BCAS3: variants seen among roughly 807,000 people sequenced by gnomAD.
The protein encoded by BCAS3 is BCAS4/BCAS3 fusion.
BCAS3 carries 53 observed loss-of-function variants against 116.1 expected under a neutral mutation model. The ratio of observed to expected loss-of-function variants is 0.46; its 90% CI spans 0.37 to 0.57. The LOEUF (loss-of-function observed/expected upper bound fraction) is 0.57, where lower values mean the gene tolerates loss of function less well. BCAS3 is among the 20% of genes least tolerant of loss of function. The probability of loss-of-function intolerance (pLI) is 0.00; values close to 1 mark genes in which losing one functional copy is unlikely to be tolerated. For synonymous variants in BCAS3, 391 were observed against 408.2 expected (o/e 0.96, Z 0.51); for missense variants, 917 against 1,165.4 (o/e 0.79, Z 3.10).
At chr17:60,988,360 T>TTG (rs1555651709) in intron 14 of BCAS3, among the ~76,000 whole-genome samples, 1,582 of 134,536 alleles carry the variant, frequency 0.012, 22 homozygotes, top group African/African-American at 0.042. Flanking sequence ...TTTTTTTTTT[T>TTG]ATGTATGTGT....
intron 4 of BCAS3, among the ~76,000 whole-genome samples, chr17:60,696,860 C>G (rs1443919786): frequency 1.3e-5 from 2 of 152,204 alleles, no homozygotes; most frequent in South Asian, 4.1e-4. Flanking sequence ...TATTTTCTGC[C>G]CCTATCATTA....
At chr17:60,687,923 C>T (rs962794474) in intron 3 of BCAS3, 3 of 152,198 alleles carry the variant, frequency 2.0e-5, no homozygotes, top group African/African-American at 7.2e-5. Flanking sequence ...TTTTGTAAGA[C>T]TTATTTCCCC....
chr17:61,077,612 C>G lies in BCAS3; in HGVS notation c.2131-721C>G, dbSNP rs1015692202. The stretch of plus-strand genomic sequence containing the variant: ...AAATTCATAAAGCATTTTGGTATTA[C>G]TGTTTTGTAGCACATCAAATGCCTG... On this transcript the variant is annotated intron_variant, in intron 20 of 23. Coordinates refer to ENST00000407086, the MANE Select transcript of BCAS3 (RefSeq NM_017679.5). The surrounding 1 kb of genome is among the most constrained non-coding windows in gnomAD (Gnocchi z 4.3). 6.6e-6 allele frequency among the ~76,000 whole-genome samples: 1 copy of G among 152,166 alleles called. No homozygotes were observed. The highest frequency in any genetic ancestry group is 2.4e-5 in the African/African-American group (1 of 41,450).
At chr17:61,360,900 G>A (rs2143443138) in intron 22 of BCAS3, among the ~76,000 whole-genome samples, 1 of 152,304 alleles carries the variant, frequency 6.6e-6, no homozygotes, top group Non-Finnish European at 1.5e-5. Flanking sequence ...ACAAGAGCTG[G>A]CATTTGAACC....
chr17:61,250,867 G>A (rs1198961520), intron 22 of BCAS3, among the ~76,000 whole-genome samples: 2 of 152,204 alleles, frequency 1.3e-5, no homozygotes, highest in African/African-American at 2.4e-5. Context: ...GACTCTATCA[G>A]TCTGGTTTTT....
At chr17:60,691,530 A>G (rs1468434951) in intron 4 of BCAS3, among the ~76,000 whole-genome samples, 1 of 151,942 alleles carries the variant, frequency 6.6e-6, no homozygotes, top group Non-Finnish European at 1.5e-5. Flanking sequence ...TTGGCCATTC[A>G]TTTAGCTTCT....
intron 5 of BCAS3, among the ~76,000 whole-genome samples, chr17:60,743,137 A>G (rs899013612): frequency 7.9e-5 from 12 of 151,936 alleles, no homozygotes; most frequent in African/African-American, 9.7e-5. Context: ...AAAATTTGTA[A>G]TATTTTCATA....
chr17:60,827,101 A>G (rs2050499622), intron 7 of BCAS3, among the ~76,000 whole-genome samples: 1 of 152,244 alleles, frequency 6.6e-6, no homozygotes, highest in Non-Finnish European at 1.5e-5. Flanking sequence ...ACATAGACCT[A>G]GCTGTGAGTT....
rs1307269995 is a variant in BCAS3, at chr17:61,364,679, G to T, written c.2426-3648G>T. ...GCCGTGATTGCACCACTGCACTTTG[G>T]TCTGGGCAAAAGAGTGAGACCCCGT... is the stretch of plus-strand genomic sequence containing the variant. On this transcript the variant is annotated intron_variant, in intron 22 of 23. Coordinates refer to ENST00000407086, the MANE Select transcript of BCAS3 (RefSeq NM_017679.5). This position sits in a 1 kb window ranked among gnomAD's most constrained non-coding sequence, Gnocchi z 5.4. 6.6e-6 allele frequency among the ~76,000 whole-genome samples: 1 copy of T among 152,214 alleles called. No individual in the cohort carries two copies. Among genetic ancestry groups the T allele is most frequent in the Non-Finnish European group, 1.5e-5 (1 of 68,040 alleles).
At chr17:61,245,676 C>A (rs1050900730) in intron 22 of BCAS3, among the ~76,000 whole-genome samples, 2 of 152,184 alleles carry the variant, frequency 1.3e-5, no homozygotes, top group African/African-American at 2.4e-5. Context: ...CCCTGCCTAA[C>A]ATTCAAGTGG....
At chr17:60,976,020 C>CTTTTTGTTTTTTT (rs2062326324) in intron 14 of BCAS3, among the ~76,000 whole-genome samples, 14 of 98,272 alleles carry the variant, frequency 1.4e-4, no homozygotes, top group East Asian at 3.5e-4. Context: ...TAGATTTTTG[C>CTTTTTGTTTTTTT]TTTTTTTTTT....
chr17:61,210,685 TAACTATTAAATAGGATCAC>T (rs2081405938), intron 22 of BCAS3, among the ~76,000 whole-genome samples: 1 of 152,090 alleles, frequency 6.6e-6, no homozygotes, highest in South Asian at 2.1e-4. Flanking sequence ...ATTTTAGAGG[TAACTATTAAATAGGATCAC>T]AAAGTGTTTC....
chr17:60,742,812 G>C (rs1400625937), intron 5 of BCAS3, among the ~76,000 whole-genome samples: 1 of 151,124 alleles, frequency 6.6e-6, no homozygotes, highest in Non-Finnish European at 1.5e-5. Flanking sequence ...TAGTACAATG[G>C]ATAAAATTGT....
rs1320817605 is a variant in BCAS3 at position 61,140,721 on chromosome 17, T to A, written c.2425+56157T>A. ...TAAAAGCTAATTGTTTGTGATTTTT[T>A]AAGTTAATAAATATATATTTACATA... On this transcript the variant is annotated intron_variant, in intron 22 of 23. Transcript: ENST00000407086. The surrounding 1 kb of genome is among the most constrained non-coding windows in gnomAD (Gnocchi z 4.2). Among the ~76,000 whole-genome samples the A allele has an allele frequency of 2.0e-5, 3 of 152,194 alleles. No individual in the cohort carries two copies. Among genetic ancestry groups the A allele is most frequent in the Non-Finnish European group, 4.4e-5 (3 of 68,040 alleles).
In BCAS3 at chr17:61,004,888, T is replaced by A. The variant is rs573916389; in HGVS notation, c.1487-10863T>A. On this transcript the variant is annotated intron_variant, in intron 15 of 23. Transcript: ENST00000407086. The surrounding 1 kb of genome is among the most constrained non-coding windows in gnomAD (Gnocchi z 4.8). ...ATTCCATTTTCTGTGTTAAGAGCCA[T>A]CTCTAGTAAGGAATGCTTAATTAAT... Among the ~76,000 whole-genome samples, 1 of 152,258 alleles carries A rather than the reference T, an allele frequency of 6.6e-6. No homozygotes were observed. The highest frequency in any genetic ancestry group is 1.5e-5 in the Non-Finnish European group (1 of 68,002).
At chr17:61,116,058 A>G (rs908351524) in intron 22 of BCAS3, among the ~76,000 whole-genome samples, 1 of 135,738 alleles carries the variant, frequency 7.4e-6, no homozygotes, top group Non-Finnish European at 1.5e-5. Flanking sequence ...ACATGGACAC[A>G]GGAAGGGGAA....
At chr17:60,887,709 T>C (rs1567795973) in intron 9 of BCAS3, among the ~76,000 whole-genome samples, 1 of 152,210 alleles carries the variant, frequency 6.6e-6, no homozygotes, top group South Asian at 2.1e-4. Context: ...GACTTTTTAT[T>C]TGTCCTTGCC....
chr17:60,894,384 A>T (rs986554878), intron 10 of BCAS3, among the ~76,000 whole-genome samples: 2 of 152,146 alleles, frequency 1.3e-5, no homozygotes, highest in Admixed American at 6.6e-5. Context: ...GTGTATAGAA[A>T]TGCTATTGAA....
chr17:60,844,500 T>C (rs1184204906), intron 7 of BCAS3, among the ~76,000 whole-genome samples: 1 of 152,196 alleles, frequency 6.6e-6, no homozygotes, highest in Admixed American at 6.5e-5. Context: ...TAAAAAAACT[T>C]CAGTTTTTCT....
Sources: allele counts gnomAD v4.1 joint callset (sites outside exome capture counted in the v4.1 genomes callset), GRCh38; gene constraint gnomAD v4.1.1; non-coding constraint Gnocchi (gnomAD v3.1); transcripts MANE v1.5; gene names NCBI Gene and HGNC (gene_info 2026-07-23, HGNC 2026-07-21).